Variants in DPYD observed in about 807,000 individuals in gnomAD.
DPYD encodes the protein dihydropyrimidine dehydrogenase [NADP(+)].
DPYD carries 109 observed loss-of-function variants against 116.2 expected under a neutral mutation model. The observed-to-expected ratio is 0.94, with a 90% CI of 0.80 to 1.10. The LOEUF (loss-of-function observed/expected upper bound fraction) is 1.10, where lower values mean the gene tolerates loss of function less well. Ranked by LOEUF, DPYD falls within the 50% of genes least tolerant of loss-of-function variation. The pLI, the probability that DPYD is intolerant of heterozygous loss-of-function variation, is 0.00. For synonymous variants in DPYD, 440 were observed against 432.0 expected (o/e 1.02, Z -0.23); for missense variants, 1,302 against 1,254.5 (o/e 1.04, Z -0.57).
rs139460826 is a variant in DPYD, at chr1:97,710,293, G to A, written c.484-10746C>T. On this transcript the variant is annotated intron_variant, in intron 5 of 22. Coordinates refer to ENST00000370192, the MANE Select transcript of DPYD (RefSeq NM_000110.4). ...TTTCCTGAAATTACATACCTTCTAG[G>A]AGATGCTTCTATGTAATTTTCTTTG... Among the ~76,000 whole-genome samples, 112 of 151,876 alleles carry A rather than the reference G, an allele frequency of 7.4e-4. 2 individuals carry two copies. The highest frequency in any genetic ancestry group is 2.6e-3 in the African/African-American group (110 of 41,528).
chr1:97,646,470 T>A (rs895684701), intron 8 of DPYD, among the ~76,000 whole-genome samples: 3 of 152,072 alleles, frequency 2.0e-5, no homozygotes, highest in Non-Finnish European at 4.4e-5. Flanking sequence ...TCAACTCACT[T>A]TCTATTTCCT....
chr1:97,409,068 T>C (rs1673831352), intron 14 of DPYD, among the ~76,000 whole-genome samples: 1 of 152,130 alleles, frequency 6.6e-6, no homozygotes, highest in Non-Finnish European at 1.5e-5. Flanking sequence ...TGTGAGTCAA[T>C]AATCCTTTAT....
At chr1:97,712,827 C>A (rs979310639) in intron 5 of DPYD, among the ~76,000 whole-genome samples, 5 of 152,086 alleles carry the variant, frequency 3.3e-5, no homozygotes, top group African/African-American at 1.2e-4. Flanking sequence ...CTTTTTTCTG[C>A]AGCTTTCTAT....
chr1:97,468,358 T>A (rs1455519596), intron 13 of DPYD, among the ~76,000 whole-genome samples: 3 of 152,172 alleles, frequency 2.0e-5, no homozygotes, highest in Non-Finnish European at 2.9e-5. Flanking sequence ...AAGGTGGGCA[T>A]TTTAGAGGTA....
intron 5 of DPYD, chr1:97,721,068 A>G: frequency 8.1e-7 from 1 of 1,235,890 alleles, no homozygotes; most frequent in Non-Finnish European, 1.1e-6. Context: ...ACTTAGTTTC[A>G]GGGTTTTTGA....
intron 3 of DPYD, chr1:97,797,579 C>T (rs1258882493): frequency 6.6e-6 from 1 of 151,994 alleles, no homozygotes; most frequent in African/African-American, 2.4e-5. Context: ...CCTGAGCTGC[C>T]AACAGCTTAA....
At chr1:97,515,039 A>C (rs992414184) in intron 13 of DPYD, among the ~76,000 whole-genome samples, 3 of 151,924 alleles carry the variant, frequency 2.0e-5, no homozygotes, top group African/African-American at 4.8e-5. Flanking sequence ...TTTATCAATA[A>C]ATGGTCTAAA....
intron 14 of DPYD, among the ~76,000 whole-genome samples, chr1:97,385,849 T>C (rs911927682): frequency 2.2e-4 from 33 of 152,128 alleles, no homozygotes; most frequent in African/African-American, 8.0e-4. Context: ...TTTCTCTCTT[T>C]TACATGGCAA....
intron 7 of DPYD, among the ~76,000 whole-genome samples, chr1:97,680,541 T>A (rs1166693161): frequency 1.3e-5 from 2 of 152,132 alleles, no homozygotes; most frequent in African/African-American, 4.8e-5. Flanking sequence ...TCCACTCCAA[T>A]TACAGAAGGA....
intron 4 of DPYD, among the ~76,000 whole-genome samples, chr1:97,731,548 A>T (rs1663612866): frequency 6.6e-6 from 1 of 152,052 alleles, no homozygotes; most frequent in African/African-American, 2.4e-5. Context: ...TATTTTAATA[A>T]TATTTCATAA....
chr1:97,746,818 T>C (rs960007890), intron 3 of DPYD, among the ~76,000 whole-genome samples: 1 of 152,050 alleles, frequency 6.6e-6, no homozygotes, highest in African/African-American at 2.4e-5. Flanking sequence ...CTCTCACTTA[T>C]TGGAAATATA....
At chr1:97,498,558 C>A (rs1040840219) in intron 13 of DPYD, among the ~76,000 whole-genome samples, 1 of 151,190 alleles carries the variant, frequency 6.6e-6, no homozygotes, top group Non-Finnish European at 1.5e-5. Flanking sequence ...ATGAAGTTCT[C>A]AACAGATAAT....
intron 13 of DPYD, among the ~76,000 whole-genome samples, chr1:97,497,323 T>C (rs77950444): frequency 0.012 from 1,873 of 152,026 alleles, 23 homozygotes; most frequent in Middle Eastern, 0.024. Flanking sequence ...TGTAACACTT[T>C]CTTCCAACGG....
chr1:97,462,945 A>C (rs529968271), intron 13 of DPYD, among the ~76,000 whole-genome samples: 95 of 152,118 alleles, frequency 6.2e-4, no homozygotes, highest in Non-Finnish European at 1.2e-4. Flanking sequence ...GGTCTCCATA[A>C]TCCCTTATCT....
At chr1:97,376,948 T>C (rs1328334972) in intron 15 of DPYD, among the ~76,000 whole-genome samples, 3 of 148,258 alleles carry the variant, frequency 2.0e-5, no homozygotes, top group Non-Finnish European at 4.5e-5. Context: ...CCACTTTTAC[T>C]CCATCCTAGC....
chr1:97,361,233 A>G (rs185564029), intron 16 of DPYD, among the ~76,000 whole-genome samples: 13 of 152,160 alleles, frequency 8.5e-5, no homozygotes, highest in Admixed American at 3.9e-4. Flanking sequence ...GGACACATAC[A>G]CCCTCTCAAG....
chr1:97,280,473 A>T (rs1665248678), intron 18 of DPYD, among the ~76,000 whole-genome samples: 1 of 152,210 alleles, frequency 6.6e-6, no homozygotes. Context: ...TATTCACAAC[A>T]GCCAAGATAT....
intron 3 of DPYD, among the ~76,000 whole-genome samples, chr1:97,814,410 G>A (rs1006498194): frequency 1.3e-5 from 2 of 152,156 alleles, no homozygotes; most frequent in African/African-American, 4.8e-5. Context: ...GTGATCTGTG[G>A]AAAATGGATT....
intron 1 of DPYD, among the ~76,000 whole-genome samples, chr1:97,898,955 T>C (rs766330287): frequency 1.9e-4 from 29 of 151,876 alleles, no homozygotes; most frequent in Non-Finnish European, 1.2e-4. Flanking sequence ...AATTATCCAG[T>C]TTCAGGTATG....
Sources: allele counts gnomAD v4.1 joint callset (sites outside exome capture counted in the v4.1 genomes callset), GRCh38; gene constraint gnomAD v4.1.1; transcripts MANE v1.5; gene names NCBI Gene and HGNC (gene_info 2026-07-23, HGNC 2026-07-21).